The following CCN4 variants were observed in gnomAD, a reference collection of about 807,000 sequenced individuals.
The protein encoded by CCN4 is CCN family member 4.
A neutral mutation model predicts 36.7 loss-of-function variants in CCN4; 30 were observed. The ratio of observed to expected loss-of-function variants is 0.82; its 90% CI spans 0.61 to 1.11. The LOEUF (loss-of-function observed/expected upper bound fraction) is 1.11. Among genes scored for constraint, CCN4 ranks in the 50% least tolerant of loss-of-function variants. CCN4 has a pLI of 0.00. For synonymous variants in CCN4, 191 were observed against 195.4 expected, an observed-to-expected ratio of 0.98 and a Z score of 0.19; for missense variants, 505 against 504.9, an observed-to-expected ratio of 1.00 and a Z score of 0.00.
At chr8:133,208,933 C>T (rs1164494276) in intron 1 of CCN4, among the ~76,000 whole-genome samples, 1 of 152,176 alleles carries the variant, frequency 6.6e-6, no homozygotes, top group East Asian at 1.9e-4. Flanking sequence ...TGAGTGGATG[C>T]CATTGTTATA....
Position 133,227,469 on chromosome 8 carries a change from C to A in CCN4, c.863C>A (p.Ala288Glu). ...QPEASMNFTL[A>E]GCISTRSYQP... ...GAGGCATCCATGAACTTCACACTTG[C>A]GGGCTGCATCAGCACACGCTCCTAT... is the stretch of plus-strand genomic sequence containing the variant. The change falls in exon 5 of 5, where the codon GCG (alanine) becomes GAG (glutamate). Residue 288 changes from alanine to glutamate, a missense_variant. By Grantham distance (107) the Ala-to-Glu change is moderately radical. Transcript: ENST00000250160. 6.2e-7 allele frequency: 1 copy of A among 1,614,118 alleles called. No homozygotes were observed. Among genetic ancestry groups the A allele is most frequent in the South Asian group, 1.1e-5 (1 of 91,078 alleles).
At chr8:133,213,255 A>G in intron 2 of CCN4, 112 bp downstream of exon 2, 1 of 1,318,244 alleles carries the variant, frequency 7.6e-7, no homozygotes, top group Non-Finnish European at 1.1e-6. Flanking sequence ...GCTTCCGTTC[A>G]GCAGGAGATA....
intron 1 of CCN4, among the ~76,000 whole-genome samples, chr8:133,194,184 T>C (rs913998204): frequency 4.6e-5 from 7 of 152,024 alleles, no homozygotes; most frequent in African/African-American, 1.5e-4. Flanking sequence ...CTCCCTCCTG[T>C]ATCAGTGCAT....
chr8:133,214,581 C>A (rs1343897386), intron 2 of CCN4, among the ~76,000 whole-genome samples: 1 of 151,892 alleles, frequency 6.6e-6, no homozygotes, highest in Non-Finnish European at 1.5e-5. Context: ...GTATTCTATC[C>A]TTTTTTGTTC....
intron 1 of CCN4, among the ~76,000 whole-genome samples, chr8:133,206,855 T>A (rs1359595918): frequency 6.6e-6 from 1 of 152,192 alleles, no homozygotes; most frequent in Non-Finnish European, 1.5e-5. Flanking sequence ...GCCAGGGGGT[T>A]CTTGGACAGG....
chr8:133,201,352 A>C (rs1387991713), intron 1 of CCN4, among the ~76,000 whole-genome samples: 1 of 152,206 alleles, frequency 6.6e-6, no homozygotes, highest in Admixed American at 6.5e-5. Context: ...CTGTTAAAAA[A>C]AATTATTTGG....
At chr8:133,225,689 A>T in intron 4 of CCN4, 106 bp downstream of exon 4, 2 of 1,178,106 alleles carry the variant, frequency 1.7e-6, no homozygotes, top group Non-Finnish European at 2.3e-6. Flanking sequence ...AAGTGGGAAT[A>T]GTTAAGCTCA....
At chr8:133,208,310 G>A (rs573464448) in intron 1 of CCN4, among the ~76,000 whole-genome samples, 7 of 152,212 alleles carry the variant, frequency 4.6e-5, no homozygotes, top group African/African-American at 1.4e-4. Context: ...AGTCACTTGC[G>A]AGCTAAGCGA....
At chr8:133,227,373 T>C (rs1295338738) in intron 4 of CCN4, 38 bp from the exon 5 acceptor site, 4 of 1,568,010 alleles carry the variant, frequency 2.6e-6, no homozygotes, top group Non-Finnish European at 3.5e-6. Context: ...GTCCATTCTC[T>C]GAGCACTCCC....
intron 1 of CCN4, among the ~76,000 whole-genome samples, chr8:133,203,921 T>C (rs1357277447): frequency 4.6e-5 from 7 of 152,258 alleles, no homozygotes; most frequent in African/African-American, 1.4e-4. Flanking sequence ...GACTTACCTC[T>C]TCCCAAGTCC....
At chr8:133,204,560 A>AGG (rs1391976910) in intron 1 of CCN4, among the ~76,000 whole-genome samples, 1 of 152,202 alleles carries the variant, frequency 6.6e-6, no homozygotes, top group Admixed American at 6.5e-5. Context: ...ATATTCAAAG[A>AGG]GGGATCTAGG....
chr8:133,212,961 C>T lies in CCN4; in HGVS notation c.167C>T (p.Pro56Leu), dbSNP rs1041568300. 3.1e-6 allele frequency: 5 copies of T among 1,614,056 alleles called. No homozygotes were observed. Among genetic ancestry groups the T allele is most frequent in the Middle Eastern group, 1.7e-4 (1 of 6,054 alleles). ...TTCTGCAAGTGGCCATGTGAGTGCCCGCCATCCCCACCCCGCTGCCCGCTG... is the reference window on the plus strand; with the variant it reads ...TTCTGCAAGTGGCCATGTGAGTGCCTGCCATCCCCACCCCGCTGCCCGCTG... ...PQFCKWPCEC[P>L]PSPPRCPLGV... The change falls in exon 2 of 5, where the codon CCG becomes CTG. Residue 56 changes from proline (P) to leucine (L), a missense_variant. Physicochemically the swap from Pro to Leu is moderately conservative, Grantham distance 98 (BLOSUM62 -3). Coordinates refer to ENST00000250160, the MANE Select transcript of CCN4 (RefSeq NM_003882.4).
intron 1 of CCN4, among the ~76,000 whole-genome samples, chr8:133,209,815 C>A (rs1853930173): frequency 6.6e-6 from 1 of 152,204 alleles, no homozygotes; most frequent in South Asian, 2.1e-4. Flanking sequence ...ATGTGCCAGG[C>A]CCTACCTAGT....
chr8:133,226,039 C>T (rs1174006507), intron 4 of CCN4, among the ~76,000 whole-genome samples: 1 of 152,106 alleles, frequency 6.6e-6, no homozygotes, highest in East Asian at 1.9e-4. Context: ...TCACTGAGCC[C>T]CCATTCCCTC....
chr8:133,195,160 G>A (rs982194484), intron 1 of CCN4, among the ~76,000 whole-genome samples: 1 of 147,644 alleles, frequency 6.8e-6, no homozygotes, highest in Admixed American at 6.7e-5. Context: ...TGTGTGTTGA[G>A]TGTGTATGTG....
At chr8:133,218,926 CCTT>C (rs1302942282) in intron 2 of CCN4, among the ~76,000 whole-genome samples, 1 of 152,226 alleles carries the variant, frequency 6.6e-6, no homozygotes, top group Non-Finnish European at 1.5e-5. Context: ...GCATCTTCCT[CCTT>C]CTCGACTCCT....
intron 2 of CCN4, 127 bp downstream of exon 2, chr8:133,213,270 C>G (rs1588195678): frequency 8.3e-7 from 1 of 1,197,614 alleles, no homozygotes; most frequent in Admixed American, 2.5e-5. Context: ...GAGATACACC[C>G]CATGATCAGA....
rs1041789563 is a variant in CCN4, at chr8:133,228,829, A to G, written c.*1119A>G. ...CAGGACACATCTATTGCAGAGACTC[A>G]TTTCACAGCCTTTCGTTCTGCTGAC... On this transcript the variant is annotated 3_prime_UTR_variant, in exon 5 of 5. Transcript: ENST00000250160. 3 of 152,132 alleles carry G rather than the reference A, an allele frequency of 2.0e-5. No individual in the cohort carries two copies. The highest frequency in any genetic ancestry group is 7.2e-5 in the African/African-American group (3 of 41,422). The allele number at this position is 152,132 out of a possible 1,614,324, so 9.4% of individuals were successfully genotyped here.
In CCN4 at chr8:133,213,118, G is replaced by C. The variant is rs750979606; in HGVS notation, c.324G>C (p.Pro108=). ...ACTGTGACTACAGCGGGGACCGCCC[G>C]AGGTACGCAATAGGAGTGTGTGCAC... The part of the protein sequence containing the change: ...GLYCDYSGDR[P]RYAIGVCAQV... The change falls in exon 2 of 5, where the codon CCG becomes CCC. Residue 108 remains proline (P), a synonymous_variant. Transcript: ENST00000250160. 3 of 1,611,986 alleles carry C rather than the reference G, an allele frequency of 1.9e-6. No individual in the cohort carries two copies. Among genetic ancestry groups the C allele is most frequent in the Non-Finnish European group, 1.7e-6 (2 of 1,178,960 alleles).
Sources: gnomAD v4.1 joint callset for allele counts (sites outside exome capture counted in the v4.1 genomes callset) on GRCh38, gnomAD v4.1.1 for gene constraint, MANE v1.5 for transcripts, NCBI Gene and HGNC (gene_info 2026-07-23, HGNC 2026-07-21) for gene names.